ELAPOR2: variants seen among roughly 807,000 people sequenced by gnomAD.
ELAPOR2 encodes endosome-lysosome associated apoptosis and autophagy regulator family member 2.
Under a neutral mutation model 120.7 loss-of-function variants are expected in ELAPOR2, and 89 were observed. The observed-to-expected ratio is 0.74, with a 90% confidence interval of 0.62 to 0.88. The LOEUF is 0.88. Ranked by LOEUF, ELAPOR2 falls within the 40% of genes least tolerant of loss-of-function variation. The probability of loss-of-function intolerance (pLI) is 0.00; values close to 1 mark genes in which losing one functional copy is unlikely to be tolerated. For missense variants in ELAPOR2, 1,134 were observed against 1,251.6 expected, an observed-to-expected ratio of 0.91 and a Z score of 1.42; for synonymous variants, 444 against 444.9, an observed-to-expected ratio of 1.00 and a Z score of 0.03.
chr7:87,021,294 C>G (rs911076246), intron 1 of ELAPOR2, among the ~76,000 whole-genome samples: 4 of 152,068 alleles, frequency 2.6e-5, no homozygotes, highest in African/African-American at 7.2e-5. Flanking sequence ...ATCTTGCCAC[C>G]CAGGGATAAT....
At chr7:86,984,733 T>A (rs916043129) in intron 1 of ELAPOR2, among the ~76,000 whole-genome samples, 1 of 151,966 alleles carries the variant, frequency 6.6e-6, no homozygotes, top group Non-Finnish European at 1.5e-5. Flanking sequence ...AGAGAAAGCA[T>A]GAAAGACCTA....
chr7:87,039,579 C>G (rs1794695346), intron 1 of ELAPOR2, among the ~76,000 whole-genome samples: 1 of 152,116 alleles, frequency 6.6e-6, no homozygotes. Context: ...AGATTTATCC[C>G]TGGGATGCAA....
At chr7:87,013,746 A>C (rs1793770462) in intron 1 of ELAPOR2, among the ~76,000 whole-genome samples, 1 of 152,192 alleles carries the variant, frequency 6.6e-6, no homozygotes, top group Non-Finnish European at 1.5e-5. Context: ...ATTTCATTTT[A>C]TTAAATAGAA....
chr7:86,915,785 A>C (rs778924216), intron 12 of ELAPOR2, among the ~76,000 whole-genome samples: 12 of 151,476 alleles, frequency 7.9e-5, no homozygotes, highest in Middle Eastern at 6.8e-3. Flanking sequence ...AAAGTAACCA[A>C]ATATGCTCTA....
chr7:86,979,057 T>C (rs1431614201), intron 1 of ELAPOR2, among the ~76,000 whole-genome samples: 3 of 152,236 alleles, frequency 2.0e-5, no homozygotes, highest in African/African-American at 4.8e-5. Context: ...AGGCCAACTA[T>C]GCACTCATTT....
At chr7:86,897,961 T>C (rs1466921657) in intron 18 of ELAPOR2, among the ~76,000 whole-genome samples, 4 of 152,136 alleles carry the variant, frequency 2.6e-5, no homozygotes, top group Admixed American at 2.6e-4. Context: ...AGTATAGAGT[T>C]ACTATTTATT....
intron 21 of ELAPOR2, among the ~76,000 whole-genome samples, chr7:86,889,179 A>C (rs915456947): frequency 6.6e-6 from 1 of 152,116 alleles, no homozygotes; most frequent in African/African-American, 2.4e-5. Context: ...TGTTATTCAC[A>C]ATATAATTAC....
rs1176866374 is a variant in ELAPOR2 at position 87,059,451 on chromosome 7, G to A, written c.63C>T (p.Pro21=). The part of the protein sequence containing the change: ...GRGWGRPAEA[P]RRGRSPPWSP... ...TCCAGGGCGGCGAGCGCCCGCGGCG[G>A]GGAGCCTCCGCCGGCCGCCCCCAGC... The change falls in exon 1 of 22, where the codon CCC becomes CCT. Residue 21 remains proline, a synonymous_variant. Coordinates refer to ENST00000450689, the MANE Select transcript of ELAPOR2 (RefSeq NM_001142749.3). 3 of 1,225,862 alleles carry A rather than the reference G, an allele frequency of 2.4e-6. No homozygotes were observed. In the African/African-American group the frequency reaches 4.7e-5, roughly 19 times the overall value. The allele number at this position is 1,225,862 out of a possible 1,614,324, so 75.9% of individuals were successfully genotyped here.
rs1203989582 is a variant in ELAPOR2 at position 86,892,919 on chromosome 7, T to G, written c.2864+3A>C. On this transcript the variant is annotated splice_donor_region_variant and intron_variant, in intron 20 of 21. Coordinates refer to ENST00000450689, the MANE Select transcript of ELAPOR2 (RefSeq NM_001142749.3). Reference sequence around the variant, plus strand: ...TCTTGTGATCATCTCAGAGGGTACTTACTTTTGATTCTTTTTCCAGAAGTA... The same window carrying G: ...TCTTGTGATCATCTCAGAGGGTACTGACTTTTGATTCTTTTTCCAGAAGTA... The G allele has an allele frequency of 2.0e-6, 3 of 1,531,252 alleles. No homozygotes were observed. In the Admixed American group the frequency reaches 7.4e-5, roughly 38 times the overall value. 94.9% of individuals were successfully genotyped at this position (1,531,252 alleles called of 1,614,324 possible).
intron 1 of ELAPOR2, among the ~76,000 whole-genome samples, chr7:87,026,781 C>G (rs556125250): frequency 5.4e-4 from 82 of 151,850 alleles, no homozygotes; most frequent in African/African-American, 1.8e-3. Context: ...AAATAAAATC[C>G]ATAATAAATA....
intron 21 of ELAPOR2, among the ~76,000 whole-genome samples, chr7:86,886,742 A>G (rs1173618597): frequency 4.6e-5 from 7 of 152,136 alleles, no homozygotes; most frequent in East Asian, 1.9e-4. Flanking sequence ...GCCTCACATA[A>G]AAATGTGGCA....
intron 1 of ELAPOR2, among the ~76,000 whole-genome samples, chr7:87,046,733 T>C (rs1181777522): frequency 2.0e-5 from 3 of 152,218 alleles, no homozygotes; most frequent in Non-Finnish European, 4.4e-5. Context: ...TGTGAAGGTA[T>C]GTGCTTCCCC....
chr7:86,957,306 C>T (rs566236536), intron 2 of ELAPOR2, among the ~76,000 whole-genome samples: 2 of 152,098 alleles, frequency 1.3e-5, no homozygotes, highest in African/African-American at 2.4e-5. Flanking sequence ...ATGTATAGAA[C>T]AAATTTTTAC....
intron 1 of ELAPOR2, among the ~76,000 whole-genome samples, chr7:86,982,172 C>T (rs1458756137): frequency 3.3e-5 from 5 of 152,240 alleles, no homozygotes; most frequent in Non-Finnish European, 7.3e-5. Context: ...TCTAACTGGG[C>T]GGAGCCCAAC....
chr7:86,949,848 C>T (rs187565690), intron 2 of ELAPOR2, among the ~76,000 whole-genome samples: 4 of 152,332 alleles, frequency 2.6e-5, no homozygotes, highest in African/African-American at 4.8e-5. Flanking sequence ...ACTCCTTGAC[C>T]GAACAGCCTG....
chr7:87,042,547 G>A (rs1006394223), intron 1 of ELAPOR2, among the ~76,000 whole-genome samples: 2 of 151,808 alleles, frequency 1.3e-5, no homozygotes, highest in Non-Finnish European at 2.9e-5. Context: ...AAATAAAGAT[G>A]TTCTTTGAAA....
intron 19 of ELAPOR2, 145 bp downstream of exon 19, chr7:86,897,361 G>T: frequency 1.0e-6 from 1 of 978,164 alleles, no homozygotes; most frequent in Non-Finnish European, 1.5e-6. Context: ...GAGTTCAGCT[G>T]CCAAACTTGA....
chr7:86,917,817 C>A (rs1243937468), intron 12 of ELAPOR2, among the ~76,000 whole-genome samples: 2 of 151,304 alleles, frequency 1.3e-5, no homozygotes, highest in East Asian at 1.9e-4. Context: ...GAAAAAAAAA[C>A]ACAAAAACAA....
chr7:86,951,680 T>C (rs987185153), intron 2 of ELAPOR2, among the ~76,000 whole-genome samples: 1 of 152,240 alleles, frequency 6.6e-6, no homozygotes, highest in Non-Finnish European at 1.5e-5. Context: ...AATTAATGAA[T>C]ACTGGACCAT....
Sources: allele counts gnomAD v4.1 joint callset (sites outside exome capture counted in the v4.1 genomes callset), GRCh38; gene constraint gnomAD v4.1.1; transcripts MANE v1.5; gene names NCBI Gene and HGNC (gene_info 2026-07-23, HGNC 2026-07-21).